DPYD: variants seen among roughly 807,000 people sequenced by gnomAD.
DPYD encodes the protein dihydropyrimidine dehydrogenase.
In DPYD, 109 loss-of-function variants were observed where a neutral mutation model predicts 116.2. The ratio of observed to expected loss-of-function variants is 0.94; its 90% CI spans 0.80 to 1.10. DPYD has a LOEUF of 1.10. DPYD is among the 50% of genes least tolerant of loss of function. The pLI is 0.00. For missense variants in DPYD, 1,302 were observed against 1,254.5 expected (o/e 1.04, Z -0.57); for synonymous variants, 440 against 432.0 (o/e 1.02, Z -0.23).
chr1:97,585,343 A>G (rs375529051), intron 10 of DPYD, among the ~76,000 whole-genome samples: 7 of 152,340 alleles, frequency 4.6e-5, no homozygotes, highest in Admixed American at 2.0e-4. Context: ...GAAGCCTTCA[A>G]GAGAAAATGA....
chr1:97,385,525 T>TC (rs1557675816), intron 14 of DPYD, among the ~76,000 whole-genome samples: 1 of 140,694 alleles, frequency 7.1e-6, no homozygotes, highest in Non-Finnish European at 1.5e-5. Flanking sequence ...ATTTTTTTCT[T>TC]AAAAAAAAAA....
chr1:97,803,913 T>C (rs974393612), intron 3 of DPYD, among the ~76,000 whole-genome samples: 2 of 151,866 alleles, frequency 1.3e-5, no homozygotes, highest in Non-Finnish European at 2.9e-5. Context: ...CTCCACCTCA[T>C]ATGTACCTGG....
intron 3 of DPYD, among the ~76,000 whole-genome samples, chr1:97,769,823 A>G (rs531147479): frequency 1.3e-4 from 20 of 152,334 alleles, no homozygotes; most frequent in African/African-American, 4.6e-4. Context: ...CCACTTCGGA[A>G]GTACCATTTA....
chr1:97,319,577 G>A (rs1668105031), intron 16 of DPYD, among the ~76,000 whole-genome samples: 1 of 137,766 alleles, frequency 7.3e-6, no homozygotes, highest in East Asian at 2.1e-4. Context: ...CTCTGAAATT[G>A]TGGCAATAAT....
At chr1:97,414,470 C>A (rs955760137) in intron 14 of DPYD, among the ~76,000 whole-genome samples, 5 of 152,116 alleles carry the variant, frequency 3.3e-5, no homozygotes, top group African/African-American at 1.2e-4. Flanking sequence ...TATTATAGGA[C>A]TTGTACAGTT....
chr1:97,532,718 C>T (rs1024381054), intron 12 of DPYD, among the ~76,000 whole-genome samples: 5 of 151,602 alleles, frequency 3.3e-5, no homozygotes, highest in Admixed American at 3.3e-4. Context: ...GTAATGTCTC[C>T]TGTTTCATTT....
chr1:97,351,285 G>T (rs938094065), intron 16 of DPYD, among the ~76,000 whole-genome samples: 3 of 152,058 alleles, frequency 2.0e-5, no homozygotes, highest in African/African-American at 7.2e-5. Context: ...ACTTATTCTT[G>T]CAGGTGCTTA....
intron 8 of DPYD, among the ~76,000 whole-genome samples, chr1:97,673,293 G>C (rs1659968959): frequency 6.6e-6 from 1 of 151,778 alleles, no homozygotes; most frequent in African/African-American, 2.4e-5. Context: ...ATTATTCACT[G>C]TTACTGCTAT....
intron 13 of DPYD, among the ~76,000 whole-genome samples, chr1:97,505,644 G>T (rs912988080): frequency 9.2e-5 from 14 of 151,690 alleles, no homozygotes; most frequent in African/African-American, 3.1e-4. Context: ...TGTCTAAAGT[G>T]AATACCATAC....
chr1:97,815,402 G>A (rs1204643817), intron 3 of DPYD, among the ~76,000 whole-genome samples: 1 of 152,196 alleles, frequency 6.6e-6, no homozygotes. Flanking sequence ...ACATTGAAAA[G>A]AGGAGGACAT....
chr1:97,581,281 C>A (rs541386589), intron 10 of DPYD, among the ~76,000 whole-genome samples: 2 of 134,616 alleles, frequency 1.5e-5, no homozygotes, highest in African/African-American at 5.5e-5. Context: ...GAGCTGAGAT[C>A]GCACCACTGC....
chr1:97,871,053 C>A (rs1271401463), intron 2 of DPYD, among the ~76,000 whole-genome samples: 1 of 151,946 alleles, frequency 6.6e-6, no homozygotes, highest in South Asian at 2.1e-4. Context: ...TTGCTGATTT[C>A]TTTTGTTCAG....
chr1:97,294,265 G>A (rs1666385853), intron 18 of DPYD, among the ~76,000 whole-genome samples: 1 of 152,038 alleles, frequency 6.6e-6, no homozygotes. Context: ...ACAGATATGT[G>A]CTAAGACAGT....
chr1:97,645,765 C>A (rs1194817827), intron 8 of DPYD, among the ~76,000 whole-genome samples: 1 of 151,984 alleles, frequency 6.6e-6, no homozygotes, highest in Non-Finnish European at 1.5e-5. Context: ...GATCTGTGTA[C>A]AATAATTTTG....
chr1:97,782,891 G>A (rs1248482810), intron 3 of DPYD, among the ~76,000 whole-genome samples: 3 of 152,126 alleles, frequency 2.0e-5, no homozygotes, highest in Non-Finnish European at 4.4e-5. Context: ...TATCATCAGG[G>A]TGATACCATG....
At chr1:97,541,381 G>C (rs749637740) in intron 12 of DPYD, among the ~76,000 whole-genome samples, 7 of 152,046 alleles carry the variant, frequency 4.6e-5, no homozygotes, top group Non-Finnish European at 8.8e-5. Context: ...ATTAGGTGTT[G>C]GTCAAACCAC....
intron 18 of DPYD, among the ~76,000 whole-genome samples, chr1:97,294,478 A>C (rs1361159463): frequency 1.3e-5 from 2 of 152,160 alleles, no homozygotes; most frequent in African/African-American, 4.8e-5. Flanking sequence ...GCATATCTGA[A>C]TTACTTACTA....
chr1:97,619,143 A>C (rs1656480084), intron 8 of DPYD, among the ~76,000 whole-genome samples: 1 of 152,188 alleles, frequency 6.6e-6, no homozygotes. Context: ...CAGATTGGTA[A>C]AATTTACAAA....
intron 10 of DPYD, among the ~76,000 whole-genome samples, chr1:97,574,961 G>A (rs1653168504): frequency 1.3e-5 from 2 of 152,080 alleles, no homozygotes; most frequent in Admixed American, 1.3e-4. Flanking sequence ...GAAAAACTGA[G>A]ACATAAAATA....
Sources: allele counts gnomAD v4.1 joint callset (sites outside exome capture counted in the v4.1 genomes callset), GRCh38; gene constraint gnomAD v4.1.1; transcripts MANE v1.5; gene names NCBI Gene and HGNC (gene_info 2026-07-23, HGNC 2026-07-21).